The following STX8 variants were observed in gnomAD, a reference collection of about 807,000 sequenced individuals.
STX8 encodes syntaxin-8.
In STX8, 23 loss-of-function variants were observed where a neutral mutation model predicts 37.5. The observed-to-expected ratio is 0.61, with a 90% confidence interval of 0.44 to 0.87. The LOEUF (loss-of-function observed/expected upper bound fraction) is 0.87, where lower values mean the gene tolerates loss of function less well. Among genes scored for constraint, STX8 ranks in the 40% least tolerant of loss-of-function variants. STX8 has a pLI of 0.00. For missense variants in STX8, 313 were observed against 284.7 expected, an observed-to-expected ratio of 1.10 and a Z score of -0.71; for synonymous variants, 115 against 99.1, an observed-to-expected ratio of 1.16 and a Z score of -0.95.
chr17:9,412,867 T>C (rs748710689), intron 6 of STX8, among the ~76,000 whole-genome samples: 9 of 152,084 alleles, frequency 5.9e-5, no homozygotes, highest in Non-Finnish European at 1.0e-4. Context: ...TGCTGAACTA[T>C]AGATTGAGGG....
At position 9,437,504 on chromosome 17, in the gene STX8, G is replaced by A. The variant is rs1261143581; in HGVS notation, c.541+54325C>T. Reference sequence around the variant, plus strand: ...TTAACTGGCTCATGAGTGAAAAAATGAAATTGCAGACGTCTGACAACTGTA... The same window carrying A: ...TTAACTGGCTCATGAGTGAAAAAATAAAATTGCAGACGTCTGACAACTGTA... On this transcript the variant is annotated intron_variant, in intron 6 of 7. Transcript: ENST00000306357. Among the ~76,000 whole-genome samples, 4 of 152,314 alleles carry A rather than the reference G, an allele frequency of 2.6e-5. No homozygotes were observed. In the East Asian group the frequency reaches 7.7e-4, roughly 29 times the overall value.
At chr17:9,532,136 A>G (rs546710602) in intron 4 of STX8, among the ~76,000 whole-genome samples, 1 of 151,340 alleles carries the variant, frequency 6.6e-6, no homozygotes, top group Admixed American at 6.6e-5. Context: ...CTGTTAATAG[A>G]GCTTCCTTTC....
At chr17:9,388,112 C>A (rs986569039) in intron 6 of STX8, among the ~76,000 whole-genome samples, 2 of 147,686 alleles carry the variant, frequency 1.4e-5, no homozygotes, top group Non-Finnish European at 3.0e-5. Context: ...GCTCTTGTTG[C>A]CCAGGCTGGA....
At chr17:9,299,801 G>C (rs1239362467) in intron 7 of STX8, among the ~76,000 whole-genome samples, 2 of 152,180 alleles carry the variant, frequency 1.3e-5, no homozygotes, top group African/African-American at 4.8e-5. Flanking sequence ...GTGAAGTAGA[G>C]TTACCGCTGT....
intron 6 of STX8, among the ~76,000 whole-genome samples, chr17:9,402,341 G>A (rs760705795): frequency 6.6e-6 from 1 of 152,118 alleles, no homozygotes; most frequent in South Asian, 2.1e-4. Context: ...GGCTGATCTC[G>A]AACTCCTGAT....
At chr17:9,354,038 T>A (rs1910797585) in intron 7 of STX8, among the ~76,000 whole-genome samples, 1 of 152,170 alleles carries the variant, frequency 6.6e-6, no homozygotes, top group South Asian at 2.1e-4. Context: ...GTTACTTATC[T>A]CCACACTTTT....
chr17:9,466,166 T>A (rs545866406), intron 6 of STX8, among the ~76,000 whole-genome samples: 1 of 152,216 alleles, frequency 6.6e-6, no homozygotes, highest in South Asian at 2.1e-4. Flanking sequence ...AGAGAAGGGG[T>A]TTCACCCTGT....
At chr17:9,370,623 A>G (rs1911373499) in intron 7 of STX8, among the ~76,000 whole-genome samples, 3 of 152,200 alleles carry the variant, frequency 2.0e-5, no homozygotes, top group Non-Finnish European at 4.4e-5. Flanking sequence ...AAACACTACT[A>G]AAATCACAAT....
intron 1 of STX8, among the ~76,000 whole-genome samples, chr17:9,572,269 C>T (rs1907715768): frequency 6.6e-6 from 1 of 152,152 alleles, no homozygotes; most frequent in African/African-American, 2.4e-5. Flanking sequence ...AGCGAGCTTA[C>T]CACTTGCTTT....
chr17:9,425,939 A>C (rs139980710), intron 6 of STX8, among the ~76,000 whole-genome samples: 6 of 152,264 alleles, frequency 3.9e-5, no homozygotes, highest in African/African-American at 1.4e-4. Context: ...GCACGCGCAC[A>C]CACACACAGC....
chr17:9,404,579 C>G (rs1011345886), intron 6 of STX8, among the ~76,000 whole-genome samples: 3 of 152,030 alleles, frequency 2.0e-5, no homozygotes, highest in South Asian at 2.1e-4. Flanking sequence ...CTCAGCCTCC[C>G]GAGTGGCTGG....
chr17:9,387,316 G>A (rs1443057982), intron 6 of STX8, among the ~76,000 whole-genome samples: 1 of 150,962 alleles, frequency 6.6e-6, no homozygotes, highest in Non-Finnish European at 1.5e-5. Context: ...CTTTTTGAGA[G>A]GGAGTCTTGC....
rs531650861 is a variant in STX8 at position 9,345,254 on chromosome 17, A to T, written c.643+33298T>A. ...AAACCTCTGCTCCAGGTTTCAAGTG[A>T]TTCTTCTGCCTCAGCCTTCTCAGTA... On this transcript the variant is annotated intron_variant, in intron 7 of 7. Transcript: ENST00000306357. Among the ~76,000 whole-genome samples, 16 of 151,784 alleles carry T rather than the reference A, an allele frequency of 1.1e-4. 1 individual carries two copies. In the East Asian group the frequency reaches 1.2e-3, roughly 11 times the overall value.
At chr17:9,300,925 C>T (rs1189764559) in intron 7 of STX8, among the ~76,000 whole-genome samples, 7 of 150,874 alleles carry the variant, frequency 4.6e-5, no homozygotes, top group South Asian at 2.1e-4. Flanking sequence ...CTCCACCTCC[C>T]GGGTTCACAC....
intron 6 of STX8, among the ~76,000 whole-genome samples, chr17:9,419,136 A>G (rs559721449): frequency 1.3e-4 from 20 of 152,070 alleles, no homozygotes; most frequent in Admixed American, 4.6e-4. Flanking sequence ...TATGTTGTTC[A>G]GGCTGGTCCA....
At chr17:9,502,750 G>A (rs1208432179) in intron 5 of STX8, among the ~76,000 whole-genome samples, 1 of 152,076 alleles carries the variant, frequency 6.6e-6, no homozygotes, top group African/African-American at 2.4e-5. Context: ...TAATCAACAG[G>A]TGAATGGATA....
intron 6 of STX8, among the ~76,000 whole-genome samples, chr17:9,428,310 G>A (rs577284871): frequency 2.0e-5 from 3 of 152,102 alleles, no homozygotes; most frequent in Admixed American, 6.5e-5. Context: ...GCGCGATCTC[G>A]GCTCACTGCA....
chr17:9,528,019 C>G (rs1369197113), intron 4 of STX8, among the ~76,000 whole-genome samples: 1 of 152,154 alleles, frequency 6.6e-6, no homozygotes, highest in Non-Finnish European at 1.5e-5. Flanking sequence ...TTGTGGAATA[C>G]AACTGACGAA....
At chr17:9,405,094 T>C (rs1231197777) in intron 6 of STX8, among the ~76,000 whole-genome samples, 2 of 152,166 alleles carry the variant, frequency 1.3e-5, no homozygotes, top group Non-Finnish European at 2.9e-5. Flanking sequence ...CAGCAGGAAA[T>C]TATTGTTTTG....
Sources: allele counts gnomAD v4.1 joint callset (sites outside exome capture counted in the v4.1 genomes callset), GRCh38; gene constraint gnomAD v4.1.1; transcripts MANE v1.5; gene names NCBI Gene and HGNC (gene_info 2026-07-23, HGNC 2026-07-21).